TBC1D22A: variants seen among roughly 807,000 people sequenced by gnomAD.
TBC1D22A encodes the protein TBC1 domain family member 22A, also known as putative GTPase activator.
A neutral mutation model predicts 60.2 loss-of-function variants in TBC1D22A; 38 were observed. That is an observed-to-expected ratio of 0.63 (90% CI 0.49 to 0.83). The LOEUF (loss-of-function observed/expected upper bound fraction) is 0.83, where lower values mean the gene tolerates loss of function less well. TBC1D22A is among the 40% of genes least tolerant of loss of function. The pLI is 0.00. For synonymous variants in TBC1D22A, 302 were observed against 281.7 expected (o/e 1.07, Z -0.72); for missense variants, 628 against 701.0 (o/e 0.90, Z 1.18).
At chr22:46,802,265 G>A (rs1008269307) in intron 4 of TBC1D22A, among the ~76,000 whole-genome samples, 10 of 152,340 alleles carry the variant, frequency 6.6e-5, no homozygotes, top group African/African-American at 9.6e-5. Flanking sequence ...TGACATTCTC[G>A]TGTGAGGAGA....
chr22:46,783,260 T>TA (rs1214099493), intron 1 of TBC1D22A, among the ~76,000 whole-genome samples: 3 of 152,202 alleles, frequency 2.0e-5, no homozygotes, highest in East Asian at 3.8e-4. Context: ...TGGGCAGACT[T>TA]AGAGTTATCA....
intron 4 of TBC1D22A, among the ~76,000 whole-genome samples, chr22:46,827,777 C>G (rs1389174369): frequency 6.6e-6 from 1 of 152,102 alleles, no homozygotes; most frequent in Non-Finnish European, 1.5e-5. Context: ...GTACTGGGGT[C>G]CCAGGATGAT....
intron 4 of TBC1D22A, among the ~76,000 whole-genome samples, chr22:46,833,562 G>C (rs1437537716): frequency 2.0e-5 from 3 of 152,204 alleles, no homozygotes; most frequent in Admixed American, 2.0e-4. Flanking sequence ...CATGACTCGT[G>C]GGGGTGATAA....
chr22:46,809,897 A>G (rs1240337527), intron 4 of TBC1D22A, among the ~76,000 whole-genome samples: 1 of 152,202 alleles, frequency 6.6e-6, no homozygotes, highest in Non-Finnish European at 1.5e-5. Context: ...TCAGGTTAAT[A>G]TTACATCATC....
chr22:46,952,006 G>C (rs769908140), intron 8 of TBC1D22A, among the ~76,000 whole-genome samples: 10 of 152,188 alleles, frequency 6.6e-5, no homozygotes, highest in African/African-American at 1.9e-4. Flanking sequence ...TGTTTGTTAC[G>C]AGTTTTGTAA....
At chr22:46,858,586 G>A (rs2087695291) in intron 4 of TBC1D22A, among the ~76,000 whole-genome samples, 2 of 152,250 alleles carry the variant, frequency 1.3e-5, no homozygotes, top group African/African-American at 4.8e-5. Context: ...AGAGGCGCCT[G>A]CAGGCATTTC....
At chr22:47,121,739 G>C (rs868478213) in intron 12 of TBC1D22A, among the ~76,000 whole-genome samples, 2 of 144,598 alleles carry the variant, frequency 1.4e-5, no homozygotes, top group African/African-American at 5.7e-5. Flanking sequence ...TATTTTGCAT[G>C]TTCTTTTCAA....
intron 10 of TBC1D22A, among the ~76,000 whole-genome samples, chr22:47,002,549 TG>T (rs1569323196): frequency 1.3e-5 from 2 of 152,258 alleles, no homozygotes; most frequent in African/African-American, 4.8e-5. Flanking sequence ...AAAGAATATT[TG>T]AAACCTCAGC....
chr22:47,006,755 T>A (rs1363784672), intron 10 of TBC1D22A, among the ~76,000 whole-genome samples: 2 of 152,240 alleles, frequency 1.3e-5, no homozygotes, highest in Non-Finnish European at 2.9e-5. Flanking sequence ...CTCTCAGGCC[T>A]CTGCCTTGGC....
At chr22:46,927,768 G>A (rs1244982618) in intron 8 of TBC1D22A, among the ~76,000 whole-genome samples, 2 of 152,130 alleles carry the variant, frequency 1.3e-5, no homozygotes, top group Non-Finnish European at 2.9e-5. Context: ...TAAAAAATCG[G>A]TTACATTTTC....
At chr22:46,764,116 C>G (rs565229703) in intron 1 of TBC1D22A, 1 of 152,170 alleles carries the variant, frequency 6.6e-6, no homozygotes, top group African/African-American at 2.4e-5. Context: ...GGAAAGTTTA[C>G]TTTTAAGAGT....
At chr22:46,841,736 C>T (rs575013049) in intron 4 of TBC1D22A, among the ~76,000 whole-genome samples, 26 of 152,088 alleles carry the variant, frequency 1.7e-4, no homozygotes, top group Non-Finnish European at 2.9e-4. Context: ...TTCGTTTATA[C>T]GATGAATCAG....
At chr22:46,901,709 G>T (rs757773815) in intron 7 of TBC1D22A, among the ~76,000 whole-genome samples, 19 of 12,698 alleles carry the variant, frequency 1.5e-3, no homozygotes, top group Non-Finnish European at 2.4e-3. Context: ...TAACTCACAT[G>T]GGGGGGGGAT....
chr22:46,948,247 C>G (rs1340136683), intron 8 of TBC1D22A, among the ~76,000 whole-genome samples: 1 of 152,226 alleles, frequency 6.6e-6, no homozygotes, highest in Non-Finnish European at 1.5e-5. Flanking sequence ...CATTTTCAGT[C>G]TTAAATTGAC....
intron 11 of TBC1D22A, among the ~76,000 whole-genome samples, chr22:47,072,515 G>T (rs1305089197): frequency 6.6e-6 from 1 of 152,230 alleles, no homozygotes; most frequent in Non-Finnish European, 1.5e-5. Flanking sequence ...TGTTTCAGAT[G>T]CAGGGGCTTC....
chr22:47,051,821 C>T (rs918435190), intron 11 of TBC1D22A, among the ~76,000 whole-genome samples: 1 of 152,230 alleles, frequency 6.6e-6, no homozygotes, highest in Non-Finnish European at 1.5e-5. Flanking sequence ...GAGAAGACTC[C>T]TTCTCTGCTT....
chr22:47,046,774 G>C (rs972539935), intron 11 of TBC1D22A, among the ~76,000 whole-genome samples: 23 of 152,208 alleles, frequency 1.5e-4, no homozygotes, highest in African/African-American at 5.3e-4. Flanking sequence ...GTTGACATCT[G>C]AGTTGATCAT....
At chr22:46,956,523 G>A (rs764299099) in intron 8 of TBC1D22A, among the ~76,000 whole-genome samples, 1 of 152,206 alleles carries the variant, frequency 6.6e-6, no homozygotes, top group Admixed American at 6.5e-5. Context: ...TTCTTTGTCC[G>A]TATAGAGAGA....
At chr22:47,162,719 C>T (rs1458368914) in intron 12 of TBC1D22A, among the ~76,000 whole-genome samples, 33 of 122,778 alleles carry the variant, frequency 2.7e-4, no homozygotes, top group African/African-American at 1.0e-3. Context: ...CAGGGAGAGT[C>T]GTGGGAATGG....
Sources: allele counts gnomAD v4.1 joint callset (sites outside exome capture counted in the v4.1 genomes callset), GRCh38; gene constraint gnomAD v4.1.1; transcripts MANE v1.5; gene names NCBI Gene and HGNC (gene_info 2026-07-23, HGNC 2026-07-21).